Variants in TRPA1 observed in about 807,000 individuals in gnomAD.
TRPA1 encodes the protein transient receptor potential cation channel subfamily A member 1, also known as ankyrin-like with transmembrane domains 1.
In TRPA1, 129 loss-of-function variants were observed where a neutral mutation model predicts 131.3. The ratio of observed to expected loss-of-function variants is 0.98; its 90% CI spans 0.85 to 1.14. TRPA1 has a LOEUF of 1.14. TRPA1 is among the 50% of genes most tolerant of loss of function. TRPA1 has a pLI of 0.00. For missense variants in TRPA1, 1,304 were observed against 1,354.2 expected (o/e 0.96, Z 0.58); for synonymous variants, 441 against 451.7 (o/e 0.98, Z 0.30).
chr8:72,024,629 A>G (rs1811517310), intron 25 of TRPA1, among the ~76,000 whole-genome samples: 2 of 152,116 alleles, frequency 1.3e-5, no homozygotes, highest in African/African-American at 4.8e-5. Flanking sequence ...TGTAGGGGAT[A>G]TGTCAGGAGA....
chr8:72,041,277 A>G (rs1051486178), intron 17 of TRPA1: 4 of 152,038 alleles, frequency 2.6e-5, no homozygotes, highest in African/African-American at 4.8e-5. Flanking sequence ...CGACTTCACT[A>G]TCTGACTTTC....
chr8:72,031,756 T>C (rs970572553), intron 23 of TRPA1, among the ~76,000 whole-genome samples: 1 of 152,242 alleles, frequency 6.6e-6, no homozygotes, highest in Admixed American at 6.5e-5. Context: ...CTTTTGATGG[T>C]CACTAACATT....
chr8:72,055,339 A>T, intron 12 of TRPA1, 97 bp downstream of exon 12: 2 of 1,019,626 alleles, frequency 2.0e-6, no homozygotes, highest in Non-Finnish European at 3.0e-6. Flanking sequence ...TTAGTGAGAT[A>T]TAAAGTTAGA....
chr8:72,038,731 TTACTGTA>T, intron 19 of TRPA1, 127 bp downstream of exon 19: 1 of 751,038 alleles, frequency 1.3e-6, no homozygotes, highest in Non-Finnish European at 2.1e-6. Context: ...GGAGAAATTA[TTACTGTA>T]TACAAATTCT....
At chr8:72,058,665 GGTTTATGGCATATAATGCATA>G (rs751078869) in intron 8 of TRPA1, among the ~76,000 whole-genome samples, 3 of 152,096 alleles carry the variant, frequency 2.0e-5, no homozygotes, top group Non-Finnish European at 2.9e-5. Flanking sequence ...TATGGTTTAT[GGTTTATGGCATATAATGCATA>G]GTTTATGGCA....
At chr8:72,084,647 AT>A in the TRPA1 span, among the ~76,000 whole-genome samples, 6,736 of 104,776 alleles carry the variant, frequency 0.064, 100 homozygotes, top group African/African-American at 0.12. Flanking sequence ...TAAAATGATA[AT>A]TTTTTTTTTT....
At chr8:72,078,866 T>C (rs1447946995), upstream of TRPA1, among the ~76,000 whole-genome samples, 1 of 152,064 alleles carries the variant, frequency 6.6e-6, no homozygotes, top group Non-Finnish European at 1.5e-5. Flanking sequence ...CCATTTTATA[T>C]GGCCTCCAGC....
the TRPA1 span, among the ~76,000 whole-genome samples, chr8:72,085,206 A>G: frequency 6.6e-6 from 1 of 152,146 alleles, no homozygotes; most frequent in Non-Finnish European, 1.5e-5. Flanking sequence ...TTGAGATTCT[A>G]TCGTCCAATA....
chr8:72,056,809 TA>T, intron 10 of TRPA1, 107 bp downstream of exon 10: 1 of 802,152 alleles, frequency 1.2e-6, no homozygotes. Context: ...AAAACATTTT[TA>T]AAATTCCAGA....
intron 24 of TRPA1, among the ~76,000 whole-genome samples, chr8:72,027,424 G>A (rs528478671): frequency 4.6e-5 from 7 of 152,258 alleles, no homozygotes; most frequent in Admixed American, 1.3e-4. Context: ...TAAGATGCAC[G>A]CTGCGGATTT....
chr8:72,063,467 C>T lies in TRPA1; in HGVS notation c.657G>A (p.Arg219=), dbSNP rs770734676. ...GSKECMEIIL[R]FGEEHGYSRQ... The stretch of plus-strand genomic sequence containing the variant: ...CATAGAAAAGCCTCAACTCACCAAA[C>T]CTTAGTATTATTTCCATGCATTCTT... The change falls in exon 5 of 27, where the codon AGG becomes AGA. Residue 219 remains arginine, a synonymous_variant. Transcript: ENST00000262209. The T allele has an allele frequency of 6.2e-7, 1 of 1,607,614 alleles. No individual in the cohort carries two copies. Among genetic ancestry groups the T allele is most frequent in the Non-Finnish European group, 8.5e-7 (1 of 1,174,338 alleles).
chr8:72,047,254 T>C (rs1260712986), intron 15 of TRPA1, 47 bp from the exon 16 acceptor site: 1 of 1,359,746 alleles, frequency 7.4e-7, no homozygotes, highest in East Asian at 2.3e-5. Context: ...GTACACTACA[T>C]ATTAGGAAAG....
intron 23 of TRPA1, among the ~76,000 whole-genome samples, chr8:72,032,440 T>C (rs914552692): frequency 6.6e-6 from 1 of 151,586 alleles, no homozygotes; most frequent in Non-Finnish European, 1.5e-5. Flanking sequence ...CGTGGGAGAG[T>C]GAAATAGAGA....
chr8:72,070,189 C>T (rs911968622), intron 2 of TRPA1, among the ~76,000 whole-genome samples: 1 of 152,170 alleles, frequency 6.6e-6, no homozygotes, highest in African/African-American at 2.4e-5. Context: ...AAAGTATTTG[C>T]TCATAAATAT....
chr8:72,080,708 C>T, the TRPA1 span, among the ~76,000 whole-genome samples: 1 of 151,738 alleles, frequency 6.6e-6, no homozygotes, highest in East Asian at 1.9e-4. Context: ...TATTTAATTA[C>T]TAATTCAATT....
At chr8:72,045,460 G>A (rs1255529149) in intron 17 of TRPA1, among the ~76,000 whole-genome samples, 1 of 151,296 alleles carries the variant, frequency 6.6e-6, no homozygotes, top group Admixed American at 6.6e-5. Flanking sequence ...ATGGGCTACT[G>A]AGCATTTAAA....
chr8:72,038,520 T>G (rs1169845831), intron 19 of TRPA1, among the ~76,000 whole-genome samples: 1 of 152,068 alleles, frequency 6.6e-6, no homozygotes, highest in Non-Finnish European at 1.5e-5. Flanking sequence ...AAACCACATA[T>G]CCATAAAGCA....
chr8:72,072,956 G>A (rs958263454), intron 1 of TRPA1, among the ~76,000 whole-genome samples: 11 of 152,042 alleles, frequency 7.2e-5, no homozygotes, highest in Admixed American at 5.2e-4. Context: ...AGTACCTGAC[G>A]TTGTCAGGCT....
chr8:72,029,772 G>A, intron 24 of TRPA1, 129 bp downstream of exon 24: 1 of 923,336 alleles, frequency 1.1e-6, no homozygotes, highest in Admixed American at 2.0e-5. Context: ...ATACTTTACA[G>A]TGTAAGTAGT....
Sources: gnomAD v4.1 joint callset for allele counts (sites outside exome capture counted in the v4.1 genomes callset) on GRCh38, gnomAD v4.1.1 for gene constraint, MANE v1.5 for transcripts, NCBI Gene and HGNC (gene_info 2026-07-23, HGNC 2026-07-21) for gene names.